LMNB2: variants seen among roughly 807,000 people sequenced by gnomAD.
LMNB2 encodes the protein lamin-B2.
LMNB2 carries 17 observed loss-of-function variants against 69.3 expected under a neutral mutation model. The ratio of observed to expected loss-of-function variants is 0.25; its 90% CI spans 0.17 to 0.37. The LOEUF (loss-of-function observed/expected upper bound fraction) is 0.37. Ranked by LOEUF, LMNB2 falls within the 10% of genes least tolerant of loss-of-function variation. The pLI is 1.00. For missense variants in LMNB2, 789 were observed against 883.6 expected (o/e 0.89, Z 1.36); for synonymous variants, 397 against 389.3 (o/e 1.02, Z -0.23).
In LMNB2 at chr19:2,428,223, T is replaced by C. The variant is rs545887667; in HGVS notation, c.*2688A>G. 2 of 150,910 alleles carry C rather than the reference T, an allele frequency of 1.3e-5. No homozygotes were observed. Among genetic ancestry groups the C allele is most frequent in the African/African-American group, 4.9e-5 (2 of 40,614 alleles). The allele number at this position is 150,910 out of a possible 1,614,324, so 9.3% of individuals were successfully genotyped here. On this transcript the variant is annotated 3_prime_UTR_variant, in exon 12 of 12. Coordinates refer to ENST00000325327, the MANE Select transcript of LMNB2 (RefSeq NM_032737.4). ...AAAAAGTTTCCAGTCATAAAATGTA[T>C]ATTACAAATCATTGGAAAAAAAAAA...
At chr19:2,431,497 A>G (rs780054131) in intron 11 of LMNB2, 51 bp downstream of exon 11, 3 of 1,611,994 alleles carry the variant, frequency 1.9e-6, no homozygotes, top group Non-Finnish European at 2.5e-6. Context: ...GCACGAGCTC[A>G]CTCTGCCCCA....
rs903481899 is a variant in LMNB2 at position 2,443,664 on chromosome 19, C to A, written c.401+740G>T. Among the ~76,000 whole-genome samples, 1 of 152,200 alleles carries A rather than the reference C, an allele frequency of 6.6e-6. No homozygotes were observed. Among genetic ancestry groups the A allele is most frequent in the African/African-American group, 2.4e-5 (1 of 41,442 alleles). On this transcript the variant is annotated intron_variant, in intron 2 of 11. Transcript: ENST00000325327. The surrounding 1 kb of genome is among the most constrained non-coding windows in gnomAD (Gnocchi z 6.2). ...GAGACCACGGAAGACAGTGTCCACA[C>A]GCAGGGCACCAGAGACCTCGCTCTA...
rs1386101193 is a variant in LMNB2 at position 2,447,589 on chromosome 19, G to A, written c.265-3049C>T. On this transcript the variant is annotated intron_variant, in intron 1 of 11. Transcript: ENST00000325327. The surrounding 1 kb of genome is among the most constrained non-coding windows in gnomAD (Gnocchi z 4.4). ...AATTAACTGCTCCGGCTCTGGCGCT[G>A]AGGAAAAGGAGGACCGGAGGATGGT... Among the ~76,000 whole-genome samples, 1 of 152,194 alleles carries A rather than the reference G, an allele frequency of 6.6e-6. No individual in the cohort carries two copies. Among genetic ancestry groups the A allele is most frequent in the Non-Finnish European group, 1.5e-5 (1 of 68,042 alleles).
chr19:2,440,286 G>A (rs563167930), intron 2 of LMNB2, among the ~76,000 whole-genome samples: 3 of 151,664 alleles, frequency 2.0e-5, no homozygotes, highest in Non-Finnish European at 4.4e-5. Context: ...CACCTCCCGG[G>A]TTCAAGCGAT....
intron 1 of LMNB2, among the ~76,000 whole-genome samples, chr19:2,449,873 C>T (rs1009144321): frequency 1.3e-5 from 2 of 151,918 alleles, no homozygotes; most frequent in Middle Eastern, 3.4e-3. Flanking sequence ...GTCAGGAGTT[C>T]GAGACCAGCC....
chr19:2,441,503 A>G (rs1258692180), intron 2 of LMNB2, among the ~76,000 whole-genome samples: 2 of 152,242 alleles, frequency 1.3e-5, no homozygotes, highest in Non-Finnish European at 2.9e-5. Context: ...CATGCCACAC[A>G]GGCCAGGCCC....
At chr19:2,444,666 G>T in intron 1 of LMNB2, 126 bp from the exon 2 acceptor site, 1 of 1,257,588 alleles carries the variant, frequency 8.0e-7, no homozygotes, top group Non-Finnish European at 1.1e-6. Flanking sequence ...GAGGATGGCA[G>T]CCTGGGGACA....
chr19:2,434,221 G>A (rs964385369), intron 7 of LMNB2, 74 bp downstream of exon 7: 1 of 1,556,792 alleles, frequency 6.4e-7, no homozygotes. Context: ...ACTCCCCGCA[G>A]CCCCGTCCCG....
intron 2 of LMNB2, among the ~76,000 whole-genome samples, chr19:2,444,050 C>T (rs562440412): frequency 6.5e-4 from 99 of 152,298 alleles, no homozygotes; most frequent in African/African-American, 2.2e-3. Flanking sequence ...ACGCGTCTCA[C>T]GGTGTCCACT....
At chr19:2,451,372 C>T (rs1465662713) in intron 1 of LMNB2, among the ~76,000 whole-genome samples, 3 of 152,212 alleles carry the variant, frequency 2.0e-5, no homozygotes, top group Non-Finnish European at 4.4e-5. Context: ...ACTTATTCAC[C>T]TATGGGCTAA....
At chr19:2,432,174 G>A (rs921900052) in intron 9 of LMNB2, among the ~76,000 whole-genome samples, 5 of 152,046 alleles carry the variant, frequency 3.3e-5, no homozygotes, top group Non-Finnish European at 7.4e-5. Flanking sequence ...AACACTTCAC[G>A]GGGACGCCTG....
At chr19:2,444,936 G>A (rs1971938313) in intron 1 of LMNB2, among the ~76,000 whole-genome samples, 1 of 152,320 alleles carries the variant, frequency 6.6e-6, no homozygotes, top group Non-Finnish European at 1.5e-5. Context: ...CTTCCCCGGA[G>A]GACCAGCCAC....
Position 2,434,118 on chromosome 19 carries a change from CAAGG to C in LMNB2, c.1203-17_1203-14del, listed in dbSNP as rs764080802. On this transcript the variant is annotated splice_polypyrimidine_tract_variant and intron_variant, in intron 7 of 11. Coordinates refer to ENST00000325327, the MANE Select transcript of LMNB2 (RefSeq NM_032737.4). ...GGACAGCTTCAGCCTGTGGGGAAGG[CAAGG>C]AAGGTGGGACTGGTAGTGGGAGCCC... is the stretch of plus-strand genomic sequence containing the variant. 6.2e-5 allele frequency: 98 copies of C among 1,577,036 alleles called. No individual in the cohort carries two copies. In the Middle Eastern group the frequency reaches 9.7e-4, roughly 16 times the overall value.
intron 10 of LMNB2, 28 bp downstream of exon 10, chr19:2,431,755 G>C: frequency 6.2e-7 from 1 of 1,613,476 alleles, no homozygotes; most frequent in East Asian, 2.2e-5. Flanking sequence ...GACTCCAGCC[G>C]AGCACCCCCC....
At chr19:2,434,214 C>A (rs1044469959) in intron 7 of LMNB2, 81 bp downstream of exon 7, 1 of 1,547,016 alleles carries the variant, frequency 6.5e-7, no homozygotes, top group African/African-American at 1.4e-5. Context: ...GCCCAGCACT[C>A]CCCGCAGCCC....
chr19:2,451,542 C>T (rs1292942481), intron 1 of LMNB2, among the ~76,000 whole-genome samples: 7 of 152,218 alleles, frequency 4.6e-5, no homozygotes, highest in East Asian at 1.9e-4. Context: ...GCCTGCGGAA[C>T]GGGTGTGCCG....
chr19:2,431,984 G>A, intron 9 of LMNB2, 82 bp from the exon 10 acceptor site: 1 of 1,525,744 alleles, frequency 6.6e-7, no homozygotes, highest in African/African-American at 1.4e-5. Flanking sequence ...CTACCACAAA[G>A]CCCCCTTCAA....
intron 1 of LMNB2, among the ~76,000 whole-genome samples, chr19:2,450,441 AACTTTGGG>A (rs1479677759): frequency 1.5e-5 from 2 of 130,584 alleles, no homozygotes; most frequent in African/African-American, 6.1e-5. Flanking sequence ...GCAGTCCTAC[AACTTTGGG>A]AGGCTGAGGC....
chr19:2,433,701 G>A (rs1971778031), intron 8 of LMNB2, 125 bp downstream of exon 8: 1 of 1,207,068 alleles, frequency 8.3e-7, no homozygotes, highest in Non-Finnish European at 1.2e-6. Flanking sequence ...TTACCCCCAT[G>A]CCCCGGTCAT....
Sources: allele counts gnomAD v4.1 joint callset (sites outside exome capture counted in the v4.1 genomes callset), GRCh38; gene constraint gnomAD v4.1.1; non-coding constraint Gnocchi (gnomAD v3.1); transcripts MANE v1.5; gene names NCBI Gene and HGNC (gene_info 2026-07-23, HGNC 2026-07-21).